Variants in UBXN4 observed in about 807,000 individuals in gnomAD.
The protein encoded by UBXN4 is UBX domain-containing protein 4.
A neutral mutation model predicts 66.2 loss-of-function variants in UBXN4; 35 were observed. The observed-to-expected ratio is 0.53, with a 90% CI of 0.40 to 0.70. The LOEUF is 0.70. UBXN4 is among the 30% of genes least tolerant of loss of function. The pLI is 0.00. For synonymous variants in UBXN4, 203 were observed against 204.5 expected (o/e 0.99, Z 0.06); for missense variants, 533 against 599.8 (o/e 0.89, Z 1.16).
intron 1 of UBXN4, among the ~76,000 whole-genome samples, 163 bp downstream of exon 1, chr2:135,742,174 G>T (rs2077178822): frequency 1.3e-5 from 2 of 152,250 alleles, no homozygotes; most frequent in Admixed American, 1.3e-4. Context: ...CTGCGACTCC[G>T]CCGCCAGATC....
At chr2:135,779,926 T>G (rs957078447) in intron 11 of UBXN4, among the ~76,000 whole-genome samples, 6 of 147,488 alleles carry the variant, frequency 4.1e-5, no homozygotes, top group African/African-American at 1.5e-4. Context: ...ATAAAATAAT[T>G]GTATACTATA....
At chr2:135,753,339 A>G (rs1256805105) in intron 2 of UBXN4, among the ~76,000 whole-genome samples, 200 bp from the exon 3 acceptor site, 1 of 152,186 alleles carries the variant, frequency 6.6e-6, no homozygotes, top group Non-Finnish European at 1.5e-5. Flanking sequence ...TAATTCTTTC[A>G]TTTGAAAATT....
At position 135,783,387 on chromosome 2, in the gene UBXN4, TA is replaced by T. The variant is rs1341135378; in HGVS notation, c.*507del. ...GTAGTTTTTAATCTTAAACACTGAA[TA>T]AAAAAACTTTCCCCTAAATTGGAAT... On this transcript the variant is annotated 3_prime_UTR_variant, in exon 13 of 13. Transcript: ENST00000272638. The T allele has an allele frequency of 2.0e-5, 3 of 152,282 alleles. No individual in the cohort carries two copies. The highest frequency in any genetic ancestry group is 4.4e-5 in the Non-Finnish European group (3 of 68,086). 9.4% of individuals were successfully genotyped at this position (152,282 alleles called of 1,614,324 possible). A position where few individuals can be genotyped will look rare whatever the true frequency, so the allele number is the denominator to read the frequency against.
chr2:135,763,272 C>CT (rs1553648287), intron 6 of UBXN4, among the ~76,000 whole-genome samples: 5 of 152,156 alleles, frequency 3.3e-5, no homozygotes, highest in Non-Finnish European at 7.3e-5. Flanking sequence ...CTGCCATAGA[C>CT]TGTGAAGCTC....
intron 6 of UBXN4, among the ~76,000 whole-genome samples, chr2:135,766,587 T>C (rs547784190): frequency 5.0e-4 from 76 of 152,344 alleles, no homozygotes; most frequent in Middle Eastern, 3.4e-3. Flanking sequence ...GTTTCTACAA[T>C]GTCCTTTGAT....
chr2:135,781,466 A>C (rs1042224189), intron 12 of UBXN4, among the ~76,000 whole-genome samples: 4 of 152,284 alleles, frequency 2.6e-5, no homozygotes, highest in Middle Eastern at 6.8e-3. Flanking sequence ...ATTATAACAA[A>C]TCTTCATGCC....
intron 9 of UBXN4, among the ~76,000 whole-genome samples, chr2:135,773,611 G>C (rs1368838042): frequency 6.6e-6 from 1 of 152,146 alleles, no homozygotes; most frequent in Non-Finnish European, 1.5e-5. Flanking sequence ...ATGACACATA[G>C]CAGGGTAAGA....
intron 9 of UBXN4, among the ~76,000 whole-genome samples, chr2:135,774,936 A>G (rs1327948088): frequency 6.6e-6 from 1 of 152,188 alleles, no homozygotes; most frequent in Non-Finnish European, 1.5e-5. Flanking sequence ...TCTAGAATAT[A>G]AAAAGAACCT....
intron 5 of UBXN4, among the ~76,000 whole-genome samples, chr2:135,759,026 G>C (rs1418123013): frequency 6.6e-6 from 1 of 152,196 alleles, no homozygotes; most frequent in Non-Finnish European, 1.5e-5. Flanking sequence ...CCAAAGTGCT[G>C]GGATTGTAGG....
chr2:135,752,522 A>G (rs1192373274), intron 2 of UBXN4, among the ~76,000 whole-genome samples: 1 of 152,176 alleles, frequency 6.6e-6, no homozygotes, highest in Non-Finnish European at 1.5e-5. Flanking sequence ...TTATTGGTAT[A>G]TAGATTGCTT....
At chr2:135,742,221 C>A (rs933834784) in intron 1 of UBXN4, among the ~76,000 whole-genome samples, 1 of 152,192 alleles carries the variant, frequency 6.6e-6, no homozygotes, top group East Asian at 1.9e-4. Context: ...GCGCCCTGCT[C>A]CTTCAGGCCC....
intron 7 of UBXN4, 50 bp downstream of exon 7, chr2:135,769,873 G>GTGATTGAT: frequency 1.4e-6 from 2 of 1,455,450 alleles, no homozygotes; most frequent in Non-Finnish European, 1.9e-6. Context: ...AACTGAGGTT[G>GTGATTGAT]TGATTGATTA....
chr2:135,750,861 T>G (rs1406140008), intron 2 of UBXN4, among the ~76,000 whole-genome samples: 1 of 25,818 alleles, frequency 3.9e-5, no homozygotes, highest in African/African-American at 7.6e-5. Flanking sequence ...TTTTTTTTTT[T>G]TTTTTTTTTT....
At chr2:135,780,512 A>C in intron 12 of UBXN4, 127 bp downstream of exon 12, 2 of 802,004 alleles carry the variant, frequency 2.5e-6, no homozygotes, top group Non-Finnish European at 4.0e-6. Flanking sequence ...GAGGAGAAAA[A>C]CTCCGATGCT....
At chr2:135,757,936 G>C (rs1440618217) in intron 5 of UBXN4, among the ~76,000 whole-genome samples, 1 of 151,872 alleles carries the variant, frequency 6.6e-6, no homozygotes, top group African/African-American at 2.4e-5. Flanking sequence ...GTGTCTGCAG[G>C]GTCTGGCTCT....
At chr2:135,779,786 A>G (rs2105510051) in intron 11 of UBXN4, among the ~76,000 whole-genome samples, 1 of 149,010 alleles carries the variant, frequency 6.7e-6, no homozygotes, top group South Asian at 2.1e-4. Context: ...TCCAAATATT[A>G]TAACATAAAA....
chr2:135,745,875 C>CTTTTTTTTTTG (rs2077204473), intron 1 of UBXN4, among the ~76,000 whole-genome samples: 2 of 74,398 alleles, frequency 2.7e-5, no homozygotes, highest in African/African-American at 5.1e-5. Flanking sequence ...GTCCCGTTTA[C>CTTTTTTTTTTG]TTTTTTTTTT....
chr2:135,768,161 T>C (rs1353292410), intron 6 of UBXN4, among the ~76,000 whole-genome samples: 1 of 152,208 alleles, frequency 6.6e-6, no homozygotes, highest in East Asian at 1.9e-4. Context: ...GTGCATCCAC[T>C]ACCACTGTCT....
At chr2:135,748,718 C>CT (rs2077224222) in intron 2 of UBXN4, among the ~76,000 whole-genome samples, 1 of 97,284 alleles carries the variant, frequency 1.0e-5, no homozygotes, top group South Asian at 3.5e-4. Context: ...GAGTCAAACT[C>CT]TGTCTCAAAA....
Sources: gnomAD v4.1 joint callset for allele counts (sites outside exome capture counted in the v4.1 genomes callset) on GRCh38, gnomAD v4.1.1 for gene constraint, MANE v1.5 for transcripts, NCBI Gene and HGNC (gene_info 2026-07-23, HGNC 2026-07-21) for gene names.